The following SRCIN1 variants were observed in gnomAD, a reference collection of about 807,000 sequenced individuals.
The protein encoded by SRCIN1 is SRC kinase signaling inhibitor 1, also known as P130Cas-associated protein.
SRCIN1 carries 50 observed loss-of-function variants against 116.2 expected under a neutral mutation model. The ratio of observed to expected loss-of-function variants is 0.43; its 90% CI spans 0.34 to 0.54. The LOEUF (loss-of-function observed/expected upper bound fraction) is 0.54, where lower values mean the gene tolerates loss of function less well. Among genes scored for constraint, SRCIN1 ranks in the 20% least tolerant of loss-of-function variants. The pLI is 0.02. For synonymous variants in SRCIN1, 736 were observed against 750.0 expected (o/e 0.98, Z 0.30); for missense variants, 1,446 against 1,672.0 (o/e 0.86, Z 2.36).
chr17:38,593,342 T>G (rs1264237301), intron 1 of SRCIN1, among the ~76,000 whole-genome samples: 6 of 151,886 alleles, frequency 4.0e-5, no homozygotes, highest in African/African-American at 1.5e-4. Flanking sequence ...TGAATCTCAG[T>G]GTGAATTCTC....
At chr17:38,588,591 C>T (rs991849397) in intron 1 of SRCIN1, among the ~76,000 whole-genome samples, 2 of 152,312 alleles carry the variant, frequency 1.3e-5, no homozygotes, top group African/African-American at 2.4e-5. Flanking sequence ...GCTGCCAGGG[C>T]GTCTTCTCCC....
At chr17:38,534,535 T>C (rs1037008358) in intron 18 of SRCIN1, among the ~76,000 whole-genome samples, 1 of 152,154 alleles carries the variant, frequency 6.6e-6, no homozygotes, top group Non-Finnish European at 1.5e-5. Context: ...ATCCAAAAGA[T>C]AAGACAGGGC....
chr17:38,561,518 C>G lies in SRCIN1; in HGVS notation c.1645G>C (p.Glu549Gln). The G allele has an allele frequency of 6.3e-7, 1 of 1,597,786 alleles. No individual in the cohort carries two copies. Among genetic ancestry groups the G allele is most frequent in the Non-Finnish European group, 8.5e-7 (1 of 1,177,214 alleles). ...GGCCCGAACCCAACCAGCGAGCGTT[C>G]CCCAGGCCCAGGGAAGAGCTCCGAA... ...PPSELFPGPG[E>Q]RSLVGFGPPV... The change falls in exon 7 of 19, where the codon GAA (glutamate) becomes CAA (glutamine). Residue 549 changes from glutamate to glutamine, a missense_variant. Physicochemically the swap from Glu to Gln is conservative, Grantham distance 29. Coordinates refer to ENST00000617146, the MANE Select transcript of SRCIN1 (RefSeq NM_025248.3).
At position 38,561,448 on chromosome 17, in the gene SRCIN1, G is replaced by A; in HGVS notation, c.1700+15C>T. On this transcript the variant is annotated intron_variant, in intron 7 of 18. Coordinates refer to ENST00000617146, the MANE Select transcript of SRCIN1 (RefSeq NM_025248.3). ...CCCCACCCCCAGTCCCTGAGGCCTG[G>A]TTAACGTCCCTCACCTGGTCTCCGT... The A allele has an allele frequency of 6.5e-7, 1 of 1,537,260 alleles. No individual in the cohort carries two copies.
In SRCIN1 at chr17:38,563,328, G is replaced by A; in HGVS notation, c.735C>T (p.Asp245=). ...CCCCCCCGGTCCACGCCCACCGGAC[G>A]TCCTCCAGCTCGTAGAAGACGTTGC... ...EARNVFYELE[D]VRDIQDRSII... Residue 245 remains aspartate (D), a synonymous_variant, in exon 5 of 19, where the codon GAC becomes GAT. Coordinates refer to ENST00000617146, the MANE Select transcript of SRCIN1 (RefSeq NM_025248.3). The surrounding 1 kb of genome is among the most constrained non-coding windows in gnomAD (Gnocchi z 5.8). The A allele has an allele frequency of 1.3e-6, 2 of 1,571,142 alleles. No homozygotes were observed. The highest frequency in any genetic ancestry group is 2.4e-5 in the East Asian group (1 of 42,238).
intron 1 of SRCIN1, among the ~76,000 whole-genome samples, chr17:38,600,470 GA>G (rs1011159281): frequency 6.6e-6 from 1 of 152,226 alleles, no homozygotes; most frequent in Non-Finnish European, 1.5e-5. Flanking sequence ...GAGAGGCAAT[GA>G]ATGACCTAGT....
At chr17:38,569,579 G>A (rs1325773617) in intron 2 of SRCIN1, among the ~76,000 whole-genome samples, 1 of 152,098 alleles carries the variant, frequency 6.6e-6, no homozygotes, top group Non-Finnish European at 1.5e-5. Context: ...ACTGGGCTGG[G>A]GCTGGGACCA....
Position 38,552,610 on chromosome 17 carries a change from G to A in SRCIN1, c.2333-16C>T, listed in dbSNP as rs768814340. On this transcript the variant is annotated splice_polypyrimidine_tract_variant and intron_variant, in intron 12 of 18. Coordinates refer to ENST00000617146, the MANE Select transcript of SRCIN1 (RefSeq NM_025248.3). This position sits in a 1 kb window ranked among gnomAD's most constrained non-coding sequence, Gnocchi z 5.3. ...GGGAAGTGAGCTGAGGAGACAGGAAGGCATGAGCTGGGGCCAGAGGGAGCA... is the reference window on the plus strand; with the variant it reads ...GGGAAGTGAGCTGAGGAGACAGGAAAGCATGAGCTGGGGCCAGAGGGAGCA... The A allele has an allele frequency of 6.2e-7, 1 of 1,612,678 alleles. No homozygotes were observed. The highest frequency in any genetic ancestry group is 8.5e-7 in the Non-Finnish European group (1 of 1,179,778).
At chr17:38,590,759 CCTT>C (rs1908397019) in intron 1 of SRCIN1, among the ~76,000 whole-genome samples, 3 of 151,916 alleles carry the variant, frequency 2.0e-5, no homozygotes, top group Admixed American at 6.5e-5. Context: ...TAGCCCATGT[CCTT>C]CTTCTTTCCC....
chr17:38,560,368 G>A lies in SRCIN1; in HGVS notation c.1758C>T (p.Ser586=), dbSNP rs1351100521. 16 of 1,611,724 alleles carry A rather than the reference G, an allele frequency of 9.9e-6. No individual in the cohort carries two copies. Among genetic ancestry groups the A allele is most frequent in the Middle Eastern group, 3.3e-4 (2 of 6,070 alleles). ...CAGGCTCAGAGCCTCGCAGTAAGGC[G>A]CTCTGCACCAGGCCTGTGAGGCTGG... ...QIASLTGLVQ[S]ALLRGSEPET... The change falls in exon 8 of 19, where the codon AGC becomes AGT. Residue 586 remains serine (S), a synonymous_variant. Coordinates refer to ENST00000617146, the MANE Select transcript of SRCIN1 (RefSeq NM_025248.3).
intron 1 of SRCIN1, among the ~76,000 whole-genome samples, chr17:38,583,905 C>T (rs1907964979): frequency 1.3e-5 from 2 of 152,162 alleles, no homozygotes; most frequent in African/African-American, 2.4e-5. Flanking sequence ...GGGCTTGTAG[C>T]AGCCTGACCT....
intron 1 of SRCIN1, among the ~76,000 whole-genome samples, chr17:38,592,099 G>A: frequency 6.6e-6 from 1 of 152,064 alleles, no homozygotes; most frequent in East Asian, 1.9e-4. Flanking sequence ...CCCAGGCTTG[G>A]AAGGAGAGGC....
intron 16 of SRCIN1, 133 bp from the exon 17 acceptor site, chr17:38,548,842 C>A: frequency 3.8e-6 from 5 of 1,322,110 alleles, no homozygotes; most frequent in Non-Finnish European, 5.0e-6. Flanking sequence ...GCCAGGGTGT[C>A]CCTCAACAGA....
At chr17:38,596,179 G>A (rs1461285291) in intron 1 of SRCIN1, among the ~76,000 whole-genome samples, 4 of 152,232 alleles carry the variant, frequency 2.6e-5, no homozygotes, top group African/African-American at 4.8e-5. Context: ...TGCCCAGAAA[G>A]GCCCGGCTGC....
Position 38,563,975 on chromosome 17 carries a change from G to T in SRCIN1, c.541+143C>A. 1.1e-6 allele frequency: 1 copy of T among 923,424 alleles called. No homozygotes were observed. The highest frequency in any genetic ancestry group is 1.6e-5 in the South Asian group (1 of 62,060). 57.2% of individuals were successfully genotyped at this position (923,424 alleles called of 1,614,324 possible). A position where few individuals can be genotyped will look rare whatever the true frequency, so the allele number is the denominator to read the frequency against. On this transcript the variant is annotated intron_variant, in intron 4 of 18. Transcript: ENST00000617146. This position sits in a 1 kb window ranked among gnomAD's most constrained non-coding sequence, Gnocchi z 5.8. ...CGAGAGAGAGATGGAGAGAGCTGGG[G>T]TTGCTTGGGGAGAAGGGGCTGTGGG...
At chr17:38,579,585 A>T (rs1907661144) in intron 1 of SRCIN1, among the ~76,000 whole-genome samples, 1 of 151,974 alleles carries the variant, frequency 6.6e-6, no homozygotes, top group African/African-American at 2.4e-5. Context: ...CTTTCCCCCC[A>T]CCTCTCCCCT....
At chr17:38,543,790 G>A in intron 18 of SRCIN1, 33 bp downstream of exon 18, 1 of 1,597,014 alleles carries the variant, frequency 6.3e-7, no homozygotes. Flanking sequence ...CAGCAGAGTG[G>A]GCCTGGGTGG....
intron 1 of SRCIN1, among the ~76,000 whole-genome samples, chr17:38,589,945 G>A (rs1179929781): frequency 1.3e-5 from 2 of 152,186 alleles, no homozygotes; most frequent in Non-Finnish European, 2.9e-5. Context: ...TTGGCAAGTC[G>A]GCTTGGCCTC....
Position 38,585,538 on chromosome 17 carries a change from C to T in SRCIN1, c.23-6747G>A, listed in dbSNP as rs1267552518. 1.3e-5 allele frequency among the ~76,000 whole-genome samples: 2 copies of T among 152,164 alleles called. No homozygotes were observed. The highest frequency in any genetic ancestry group is 2.9e-5 in the Non-Finnish European group (2 of 68,030). On this transcript the variant is annotated intron_variant, in intron 1 of 18. Coordinates refer to ENST00000617146, the MANE Select transcript of SRCIN1 (RefSeq NM_025248.3). This position sits in a 1 kb window ranked among gnomAD's most constrained non-coding sequence, Gnocchi z 4.2. ...AATTAGGAGAGGGGATCCTTTGCTT[C>T]CCCTGCTAGTGAAGGAATCGGCCTC...
Sources: allele counts gnomAD v4.1 joint callset (sites outside exome capture counted in the v4.1 genomes callset), GRCh38; gene constraint gnomAD v4.1.1; non-coding constraint Gnocchi (gnomAD v3.1); transcripts MANE v1.5; gene names NCBI Gene and HGNC (gene_info 2026-07-23, HGNC 2026-07-21).